The following NRK variants were observed in gnomAD, a reference collection of about 807,000 sequenced individuals.
NRK encodes the protein nik-related protein kinase.
A neutral mutation model predicts 125.2 loss-of-function variants in NRK; 67 were observed. The observed-to-expected ratio is 0.54, with a 90% CI of 0.44 to 0.66. NRK has a LOEUF of 0.66. Among genes scored for constraint, NRK ranks in the 30% least tolerant of loss-of-function variants. NRK has a pLI of 0.00. For missense variants in NRK, 1,224 were observed against 1,192.9 expected, an observed-to-expected ratio of 1.03 and a Z score of -0.38; for synonymous variants, 458 against 429.0, an observed-to-expected ratio of 1.07 and a Z score of -0.84.
chrX:105,930,062 T>C (rs1363434617), intron 19 of NRK, among the ~76,000 whole-genome samples: 2 of 111,642 alleles, frequency 1.8e-5, no homozygotes, highest in Non-Finnish European at 3.8e-5. Flanking sequence ...GGAGGACCTT[T>C]TTGAGTTGAA....
intron 2 of NRK, among the ~76,000 whole-genome samples, chrX:105,840,668 G>A (rs1443388609): frequency 9.0e-6 from 1 of 110,941 alleles, no homozygotes; most frequent in African/African-American, 3.3e-5. Flanking sequence ...TATATTTAAT[G>A]CTATTTTTAA....
At chrX:105,874,176 T>A (rs947798045) in intron 2 of NRK, among the ~76,000 whole-genome samples, 3 of 110,980 alleles carry the variant, frequency 2.7e-5, no homozygotes, top group Non-Finnish European at 5.7e-5. Flanking sequence ...CTCTCTCATC[T>A]CTCCCCACAC....
At position 105,935,317 on chromosome X, in the gene NRK, C is replaced by T. The variant is rs2040648135; in HGVS notation, c.3647C>T (p.Ser1216Phe). Residue 1216 changes from serine to phenylalanine, a missense_variant, in exon 21 of 29, where the codon TCT becomes TTT. Physicochemically the swap from Ser to Phe is radical, Grantham distance 155 (BLOSUM62 -2). Coordinates refer to ENST00000243300, the MANE Select transcript of NRK (RefSeq NM_198465.4). ...TTCACTTCTGAGATCTGCTGTGGTTCTTTGTGGGGTGAGTTTGTTTTGTTT... is the reference window on the plus strand; with the variant it reads ...TTCACTTCTGAGATCTGCTGTGGTTTTTTGTGGGGTGAGTTTGTTTTGTTT... ...KEFTSEICCG[S>F]LWGVNLLLGT... 1 of 1,179,370 alleles carries T rather than the reference C, an allele frequency of 8.5e-7. No homozygotes were observed. The highest frequency in any genetic ancestry group is 1.1e-6 in the Non-Finnish European group (1 of 875,358).
chrX:105,930,757 G>T (rs778582020), intron 19 of NRK, among the ~76,000 whole-genome samples: 1 of 110,795 alleles, frequency 9.0e-6, no homozygotes, highest in African/African-American at 3.3e-5. Context: ...GGGTCCTGGG[G>T]TGTTGGTTGG....
Position 105,937,464 on chromosome X carries a change from A to G in NRK, c.3681A>G (p.Arg1227=), listed in dbSNP as rs1393810881. The change falls in exon 22 of 29, where the codon CGA becomes CGG. Residue 1227 remains arginine, a synonymous_variant. Transcript: ENST00000243300. ...GAGTCAATTTGCTGTTGGGAACCCG[A>G]TCTAATCTATATCTGATGGACAGAA... is the stretch of plus-strand genomic sequence containing the variant. ...LWGVNLLLGT[R]SNLYLMDRSG... is the part of the protein sequence containing the mutation. 8.4e-7 allele frequency: 1 copy of G among 1,190,085 alleles called. No individual in the cohort carries two copies. Among genetic ancestry groups the G allele is most frequent in the Non-Finnish European group, 1.1e-6 (1 of 879,376 alleles).
intron 1 of NRK, among the ~76,000 whole-genome samples, chrX:105,825,506 A>C (rs1042173854): frequency 4.4e-5 from 5 of 112,588 alleles, no homozygotes; most frequent in African/African-American, 1.6e-4. Context: ...TTGCAGGCCT[A>C]GCCAGCTAAA....
chrX:105,910,333 A>G (rs2040282357), intron 13 of NRK, among the ~76,000 whole-genome samples: 1 of 112,299 alleles, frequency 8.9e-6, no homozygotes, highest in Non-Finnish European at 1.9e-5. Context: ...TGAGTGAATT[A>G]CACTCATTTT....
chrX:105,831,449 TACTC>T (rs1169440360), intron 2 of NRK, among the ~76,000 whole-genome samples: 2 of 112,355 alleles, frequency 1.8e-5, no homozygotes, highest in Non-Finnish European at 3.8e-5. Context: ...CCATTCTAAA[TACTC>T]ACATTCAACT....
Position 105,957,871 on chromosome X carries a change from A to G in NRK, c.*2271A>G, listed in dbSNP as rs1032568431. 2 of 112,496 alleles carry G rather than the reference A, an allele frequency of 1.8e-5. No individual in the cohort carries two copies. The highest frequency in any genetic ancestry group is 6.5e-5 in the African/African-American group (2 of 30,986). 9.3% of individuals were successfully genotyped at this position (112,496 alleles called of 1,213,427 possible). Reference sequence around the variant, plus strand: ...TTTACATCCTTTGCCAGCTGAAACAAGAAAGTGAAGGGACAATGATATTTC... The same window carrying G: ...TTTACATCCTTTGCCAGCTGAAACAGGAAAGTGAAGGGACAATGATATTTC... On this transcript the variant is annotated 3_prime_UTR_variant, in exon 29 of 29. Coordinates refer to ENST00000243300, the MANE Select transcript of NRK (RefSeq NM_198465.4).
chrX:105,898,463 A>T, intron 7 of NRK, 121 bp from the exon 8 acceptor site: 1 of 587,137 alleles, frequency 1.7e-6, no homozygotes, highest in Non-Finnish European at 2.6e-6. Flanking sequence ...AAAGTTTGCT[A>T]GGCTGGAATG....
chrX:105,925,112 A>G (rs2040506623), intron 19 of NRK, 81 bp downstream of exon 19: 1 of 746,249 alleles, frequency 1.3e-6, no homozygotes, highest in Non-Finnish European at 2.0e-6. Context: ...ATTTCTAGCC[A>G]TTCCAAATAG....
chrX:105,907,479 T>C (rs1430190362), intron 11 of NRK: 2 of 111,846 alleles, frequency 1.8e-5, no homozygotes, highest in Non-Finnish European at 3.8e-5. Flanking sequence ...TATCATGTTT[T>C]GAGGCAAGGA....
chrX:105,914,573 T>C (rs371057586), intron 14 of NRK, among the ~76,000 whole-genome samples: 1 of 110,096 alleles, frequency 9.1e-6, no homozygotes, highest in African/African-American at 3.3e-5. Context: ...TTTGAGTAAT[T>C]TTTGCCTCCA....
intron 15 of NRK, 110 bp downstream of exon 15, chrX:105,915,907 A>C: frequency 2.3e-6 from 1 of 439,997 alleles, no homozygotes; most frequent in Non-Finnish European, 4.0e-6. Flanking sequence ...TATCCGTGAC[A>C]ACATCATCAC....
At chrX:105,902,114 C>CT (rs1274174419) in intron 9 of NRK, among the ~76,000 whole-genome samples, 71 of 104,055 alleles carry the variant, frequency 6.8e-4, no homozygotes, top group African/African-American at 1.5e-3. Context: ...GTTTGTTTCA[C>CT]TTTTTTTTTT....
chrX:105,950,527 A>AGTGTGTGT (rs56383254), intron 27 of NRK, among the ~76,000 whole-genome samples: 146 of 77,973 alleles, frequency 1.9e-3, no homozygotes, highest in South Asian at 0.018. Context: ...AAAAGGCAGC[A>AGTGTGTGT]GTGTGTGTGT....
At chrX:105,914,745 C>G (rs1288668494) in intron 14 of NRK, among the ~76,000 whole-genome samples, 1 of 107,494 alleles carries the variant, frequency 9.3e-6, no homozygotes, top group Non-Finnish European at 1.9e-5. Flanking sequence ...TAAGCCACTT[C>G]ATAAAGAAAA....
chrX:105,828,118 C>G (rs1306625662), intron 1 of NRK, among the ~76,000 whole-genome samples: 2 of 112,136 alleles, frequency 1.8e-5, no homozygotes, highest in Non-Finnish European at 3.8e-5. Flanking sequence ...TCCTTCTCCT[C>G]TTTTCCCCAA....
chrX:105,838,257 T>G (rs1260805685), intron 2 of NRK, among the ~76,000 whole-genome samples: 10 of 111,973 alleles, frequency 8.9e-5, no homozygotes, highest in Non-Finnish European at 3.8e-5. Context: ...GTTTTTCTAT[T>G]CTTTTCTTCT....
Sources: allele counts gnomAD v4.1 joint callset (sites outside exome capture counted in the v4.1 genomes callset), GRCh38; gene constraint gnomAD v4.1.1; transcripts MANE v1.5; gene names NCBI Gene and HGNC (gene_info 2026-07-23, HGNC 2026-07-21).